COG5: variants seen among roughly 807,000 people sequenced by gnomAD.
COG5 encodes the protein component of oligomeric golgi complex 5.
In COG5, 86 loss-of-function variants were observed where a neutral mutation model predicts 110.4. The observed-to-expected ratio is 0.78, with a 90% confidence interval of 0.65 to 0.93. The LOEUF (loss-of-function observed/expected upper bound fraction) is 0.93, where lower values mean the gene tolerates loss of function less well. Among genes scored for constraint, COG5 ranks in the 40% least tolerant of loss-of-function variants. The pLI is 0.00. For synonymous variants in COG5, 360 were observed against 334.6 expected (o/e 1.08, Z -0.83); for missense variants, 1,077 against 987.0 (o/e 1.09, Z -1.22).
chr7:107,370,239 T>TG (rs1332883717), intron 8 of COG5, among the ~76,000 whole-genome samples: 1 of 152,116 alleles, frequency 6.6e-6, no homozygotes, highest in Non-Finnish European at 1.5e-5. Context: ...TGTGAGCCAT[T>TG]CACTCTCAGA....
At chr7:107,533,370 C>T (rs1801347755) in intron 5 of COG5, among the ~76,000 whole-genome samples, 1 of 151,396 alleles carries the variant, frequency 6.6e-6, no homozygotes, top group Admixed American at 6.6e-5. Flanking sequence ...ACAAACTCCT[C>T]CAAGCTACAG....
At chr7:107,319,686 T>C (rs1485763486) in intron 11 of COG5, among the ~76,000 whole-genome samples, 1 of 152,198 alleles carries the variant, frequency 6.6e-6, no homozygotes, top group Non-Finnish European at 1.5e-5. Flanking sequence ...TAAAAGTCCA[T>C]TAAATGACCT....
chr7:107,527,121 T>C (rs1800821094), intron 6 of COG5, 116 bp downstream of exon 6: 1 of 868,306 alleles, frequency 1.2e-6, no homozygotes, highest in Non-Finnish European at 1.7e-6. Context: ...AGCCAATTAT[T>C]TAAAAATTTG....
chr7:107,451,578 T>G (rs950143063), intron 6 of COG5, among the ~76,000 whole-genome samples: 2 of 152,152 alleles, frequency 1.3e-5, no homozygotes, highest in African/African-American at 4.8e-5. Flanking sequence ...CTGCCTACTC[T>G]TCTACCTCCC....
At chr7:107,407,069 T>G (rs931469995) in intron 7 of COG5, among the ~76,000 whole-genome samples, 1 of 152,152 alleles carries the variant, frequency 6.6e-6, no homozygotes, top group Non-Finnish European at 1.5e-5. Flanking sequence ...ATTTGATAAT[T>G]TGAGCAATCA....
chr7:107,507,959 G>T (rs1044528824), intron 6 of COG5, among the ~76,000 whole-genome samples: 7 of 152,240 alleles, frequency 4.6e-5, no homozygotes, highest in Non-Finnish European at 1.0e-4. Flanking sequence ...GAGCGACGCA[G>T]AAGACGGGTG....
intron 6 of COG5, among the ~76,000 whole-genome samples, chr7:107,424,849 A>C (rs1346435252): frequency 6.6e-6 from 1 of 152,180 alleles, no homozygotes; most frequent in African/African-American, 2.4e-5. Context: ...ATAATTCTTA[A>C]TTATGGATGC....
chr7:107,322,502 T>C (rs761405844), intron 11 of COG5, among the ~76,000 whole-genome samples: 4 of 152,118 alleles, frequency 2.6e-5, no homozygotes, highest in Non-Finnish European at 4.4e-5. Flanking sequence ...ATTAGTCTAG[T>C]GGAAGCTAAA....
At chr7:107,205,186 G>A (rs954513920) in intron 21 of COG5, among the ~76,000 whole-genome samples, 1 of 152,118 alleles carries the variant, frequency 6.6e-6, no homozygotes, top group Non-Finnish European at 1.5e-5. Flanking sequence ...AGCACTTGCC[G>A]TGCCCTGTTC....
chr7:107,242,155 G>A (rs934238195), intron 17 of COG5, among the ~76,000 whole-genome samples: 3 of 152,318 alleles, frequency 2.0e-5, no homozygotes, highest in Admixed American at 6.5e-5. Context: ...AGCAGCTAGT[G>A]TGCAGGGCTC....
intron 6 of COG5, among the ~76,000 whole-genome samples, chr7:107,483,575 A>G (rs1432127716): frequency 6.6e-6 from 1 of 152,014 alleles, no homozygotes; most frequent in East Asian, 1.9e-4. Flanking sequence ...GTGGTGGTGC[A>G]TGCCTGTAAT....
chr7:107,507,475 T>A (rs1468782118), intron 6 of COG5, among the ~76,000 whole-genome samples: 1 of 148,788 alleles, frequency 6.7e-6, no homozygotes, highest in East Asian at 2.0e-4. Context: ...TTGTATTTTT[T>A]TTTTTTTTTT....
chr7:107,269,319 C>CA (rs1296453318), intron 14 of COG5, among the ~76,000 whole-genome samples: 2 of 151,770 alleles, frequency 1.3e-5, no homozygotes, highest in African/African-American at 2.4e-5. Flanking sequence ...ACTAAAAATA[C>CA]AAAAAATTAG....
intron 6 of COG5, among the ~76,000 whole-genome samples, chr7:107,516,662 A>G (rs1348551233): frequency 6.6e-6 from 1 of 152,204 alleles, no homozygotes; most frequent in African/African-American, 2.4e-5. Flanking sequence ...TTCCAGAGGA[A>G]GGAGCAGGCA....
intron 11 of COG5, among the ~76,000 whole-genome samples, chr7:107,312,472 G>T (rs2117001603): frequency 6.6e-6 from 1 of 152,292 alleles, no homozygotes; most frequent in African/African-American, 2.4e-5. Context: ...GACAGAAGAG[G>T]TCTTGCTCAT....
At chr7:107,476,609 T>C (rs960518331) in intron 6 of COG5, among the ~76,000 whole-genome samples, 2 of 151,680 alleles carry the variant, frequency 1.3e-5, no homozygotes, top group Non-Finnish European at 3.0e-5. Flanking sequence ...GAACCTCATA[T>C]CAAACAAATA....
At chr7:107,236,064 CG>C (rs1801166999) in intron 18 of COG5, among the ~76,000 whole-genome samples, 1 of 152,132 alleles carries the variant, frequency 6.6e-6, no homozygotes, top group African/African-American at 2.4e-5. Context: ...TGGCAACAAG[CG>C]GTCTCTTTTC....
intron 7 of COG5, among the ~76,000 whole-genome samples, chr7:107,401,008 G>C (rs985717890): frequency 5.3e-5 from 8 of 152,050 alleles, no homozygotes; most frequent in Non-Finnish European, 2.9e-5. Context: ...TTTAAAGCAG[G>C]GATCAGCATA....
chr7:107,407,203 G>A lies in COG5; in HGVS notation c.669+5299C>T, dbSNP rs578237888. On this transcript the variant is annotated intron_variant, in intron 7 of 21. Transcript: ENST00000297135. ...TTGAGACCAGTCTGGCCAACATGGC[G>A]AAACCCCGTCTCTACTAAAAATACA... is the stretch of plus-strand genomic sequence containing the variant. 2.0e-3 allele frequency among the ~76,000 whole-genome samples: 304 copies of A among 152,108 alleles called. 2 individuals are homozygous for A. Among genetic ancestry groups the A allele is most frequent in the African/African-American group, 6.9e-3 (285 of 41,492 alleles).
Sources: gnomAD v4.1 joint callset for allele counts (sites outside exome capture counted in the v4.1 genomes callset) on GRCh38, gnomAD v4.1.1 for gene constraint, MANE v1.5 for transcripts, NCBI Gene and HGNC (gene_info 2026-07-23, HGNC 2026-07-21) for gene names.